The following PTTG1IP variants were observed in gnomAD, a reference collection of about 807,000 sequenced individuals.
The protein encoded by PTTG1IP is pituitary tumor-transforming gene 1 protein-interacting protein.
Under a neutral mutation model 24.4 loss-of-function variants are expected in PTTG1IP, and 16 were observed. The observed-to-expected ratio is 0.66, with a 90% CI of 0.44 to 1.00. PTTG1IP has a LOEUF of 1.00. PTTG1IP is among the 50% of genes least tolerant of loss of function. PTTG1IP has a pLI of 0.00. For synonymous variants in PTTG1IP, 89 were observed against 96.8 expected, an observed-to-expected ratio of 0.92 and a Z score of 0.47; for missense variants, 241 against 245.8, an observed-to-expected ratio of 0.98 and a Z score of 0.13.
At chr21:44,852,998 A>T (rs1163328707) in intron 5 of PTTG1IP, among the ~76,000 whole-genome samples, 5 of 152,178 alleles carry the variant, frequency 3.3e-5, no homozygotes, top group Non-Finnish European at 7.3e-5. Flanking sequence ...TTAACCACCA[A>T]AATGGCAAGT....
Position 44,853,161 on chromosome 21 carries a change from TGCGTGTGTGC to T in PTTG1IP, c.497-1544_497-1535del, listed in dbSNP as rs554569609. 1.4e-4 allele frequency among the ~76,000 whole-genome samples: 21 copies of T among 152,190 alleles called. No individual in the cohort carries two copies. In the South Asian group the frequency reaches 4.4e-3, roughly 32 times the overall value. On this transcript the variant is annotated intron_variant, in intron 5 of 5. Transcript: ENST00000330938. The stretch of plus-strand genomic sequence containing the variant: ...GTGATAACAGGTGCTGGGCAGTGTG[TGCGTGTGTGC>T]GCGTGTGCGTGTGTGTGTATCCACC...
intron 2 of PTTG1IP, among the ~76,000 whole-genome samples, chr21:44,864,405 TGTTTTTTAAAGACA>T (rs1357503867): frequency 6.6e-6 from 1 of 152,212 alleles, no homozygotes; most frequent in Non-Finnish European, 1.5e-5. Flanking sequence ...TTTTTGTTTT[TGTTTTTTAAAGACA>T]GTTTTTTGCT....
At chr21:44,862,504 A>G (rs2083499956) in intron 2 of PTTG1IP, among the ~76,000 whole-genome samples, 2 of 152,074 alleles carry the variant, frequency 1.3e-5, no homozygotes, top group South Asian at 4.2e-4. Flanking sequence ...GGGCAACAAG[A>G]GTGAAACTCC....
At chr21:44,855,381 C>A in intron 4 of PTTG1IP, 125 bp from the exon 5 acceptor site, 1 of 986,184 alleles carries the variant, frequency 1.0e-6, no homozygotes, top group East Asian at 2.5e-5. Flanking sequence ...CTCCAGTTCC[C>A]AGAGTGAAAC....
intron 5 of PTTG1IP, among the ~76,000 whole-genome samples, chr21:44,852,885 A>G (rs892023676): frequency 6.6e-6 from 1 of 152,184 alleles, no homozygotes; most frequent in Non-Finnish European, 1.5e-5. Flanking sequence ...ATTCCTAGGA[A>G]TTCTTCTAAC....
At chr21:44,861,348 C>CTGGCGGGCTGTGG in intron 2 of PTTG1IP, 77 bp from the exon 3 acceptor site, 1 of 1,245,068 alleles carries the variant, frequency 8.0e-7, no homozygotes, top group Non-Finnish European at 1.1e-6. Flanking sequence ...GCCCACAGCC[C>CTGGCGGGCTGTGG]GCCAGTGCTG....
intron 3 of PTTG1IP, 71 bp downstream of exon 3, chr21:44,861,092 G>T: frequency 2.2e-6 from 3 of 1,371,202 alleles, no homozygotes; most frequent in Non-Finnish European, 3.1e-6. Context: ...GTGAGCCACC[G>T]CGCCCGGCCC....
In PTTG1IP at chr21:44,872,445, C is replaced by T. The variant is rs567246522; in HGVS notation, c.115+1057G>A. Among the ~76,000 whole-genome samples, 8 of 152,340 alleles carry T rather than the reference C, an allele frequency of 5.3e-5. No homozygotes were observed. In the South Asian group the frequency reaches 1.7e-3, roughly 32 times the overall value. ...CTGAGAAAAGTATTAGCCCCTCAAG[C>T]TGGGCCCAGGTCAACCCTAATTGTA... On this transcript the variant is annotated intron_variant, in intron 1 of 5. Transcript: ENST00000330938.
chr21:44,870,344 C>T (rs1414417391), intron 1 of PTTG1IP, among the ~76,000 whole-genome samples: 8 of 151,908 alleles, frequency 5.3e-5, no homozygotes, highest in Admixed American at 2.0e-4. Context: ...AGTTCGAGAC[C>T]GGCCTGGCCG....
Position 44,856,214 on chromosome 21 carries a change from C to G in PTTG1IP, c.428G>C (p.Arg143Thr), listed in dbSNP as rs1164783650. The G allele has an allele frequency of 6.2e-7, 1 of 1,614,094 alleles. No individual in the cohort carries two copies. Among genetic ancestry groups the G allele is most frequent in the African/African-American group, 1.3e-5 (1 of 74,942 alleles). ...EEKAMREREE[R>T]RIRQEERRAE... ...TCACCGTTCCTCCTGCCGTATCCGC[C>G]TCTCCTCCCGCTCACGCATGGCCTT... The change falls in exon 4 of 6, where the codon AGG becomes ACG. Residue 143 changes from arginine to threonine, a missense_variant. Physicochemically the swap from Arg to Thr is moderately conservative, Grantham distance 71. Coordinates refer to ENST00000330938, the MANE Select transcript of PTTG1IP (RefSeq NM_004339.4).
chr21:44,855,524 T>C (rs996701074), intron 4 of PTTG1IP, among the ~76,000 whole-genome samples: 1 of 152,182 alleles, frequency 6.6e-6, no homozygotes. Context: ...AAATGCCCAA[T>C]ACCGTGATTT....
intron 3 of PTTG1IP, among the ~76,000 whole-genome samples, chr21:44,858,583 C>T (rs57251508): frequency 0.051 from 7,736 of 152,250 alleles, 660 homozygotes; most frequent in African/African-American, 0.17. Context: ...GCTGCCTCCC[C>T]GAGCCCTGTT....
At chr21:44,860,286 G>A (rs368239106) in intron 3 of PTTG1IP, among the ~76,000 whole-genome samples, 96 of 152,218 alleles carry the variant, frequency 6.3e-4, no homozygotes, top group African/African-American at 2.0e-3. Flanking sequence ...GGAGAATGGC[G>A]TGAACCTGGG....
At chr21:44,861,359 C>T (rs1319736617) in intron 2 of PTTG1IP, 88 bp from the exon 3 acceptor site, 3 of 1,116,650 alleles carry the variant, frequency 2.7e-6, no homozygotes, top group Non-Finnish European at 3.9e-6. Context: ...GCCAGTGCTG[C>T]CATCGCTCTG....
intron 4 of PTTG1IP, 130 bp downstream of exon 4, chr21:44,856,063 T>C: frequency 6.4e-7 from 1 of 1,561,884 alleles, no homozygotes; most frequent in Non-Finnish European, 8.7e-7. Flanking sequence ...GAAGATCCCC[T>C]GGGCACTATA....
intron 3 of PTTG1IP, among the ~76,000 whole-genome samples, chr21:44,859,030 G>A (rs1246350590): frequency 6.6e-6 from 1 of 152,228 alleles, no homozygotes; most frequent in East Asian, 1.9e-4. Context: ...CCAGACGTGA[G>A]CGCCTGTGCC....
chr21:44,867,914 G>A (rs1037796616), intron 1 of PTTG1IP, among the ~76,000 whole-genome samples: 4 of 152,100 alleles, frequency 2.6e-5, no homozygotes, highest in African/African-American at 9.7e-5. Context: ...ATTTAACAGT[G>A]TAGTTCTACA....
intron 3 of PTTG1IP, among the ~76,000 whole-genome samples, chr21:44,859,449 A>C (rs1171479405): frequency 6.6e-6 from 1 of 151,878 alleles, no homozygotes; most frequent in Non-Finnish European, 1.5e-5. Flanking sequence ...ACACGTGTGC[A>C]TTATGTAGGC....
Position 44,851,558 on chromosome 21 carries a change from C to G in PTTG1IP, c.*23G>C, listed in dbSNP as rs138465662. 787 of 1,612,578 alleles carry G rather than the reference C, an allele frequency of 4.9e-4. 4 individuals are homozygous for G. In the African/African-American group the frequency reaches 9.2e-3, roughly 19 times the overall value. On this transcript the variant is annotated 3_prime_UTR_variant, in exon 6 of 6. Coordinates refer to ENST00000330938, the MANE Select transcript of PTTG1IP (RefSeq NM_004339.4). ...GGAGCGTGCACCTCACAGGAAGCGT[C>G]GGGACTGATGTGCTGGAGCGCTTTA...
Sources: allele counts gnomAD v4.1 joint callset (sites outside exome capture counted in the v4.1 genomes callset), GRCh38; gene constraint gnomAD v4.1.1; transcripts MANE v1.5; gene names NCBI Gene and HGNC (gene_info 2026-07-23, HGNC 2026-07-21).